The following FARS2 variants were observed in gnomAD, a reference collection of about 807,000 sequenced individuals.
FARS2 encodes the protein phenylalanyl-tRNA synthetase 2, mitochondrial.
In FARS2, 40 loss-of-function variants were observed where a neutral mutation model predicts 46.4. The observed-to-expected ratio is 0.86, with a 90% CI of 0.67 to 1.12. FARS2 has a LOEUF of 1.12. FARS2 is among the 50% of genes most tolerant of loss of function. FARS2 has a pLI of 0.00. For synonymous variants in FARS2, 234 were observed against 214.9 expected (o/e 1.09, Z -0.78); for missense variants, 513 against 567.9 (o/e 0.90, Z 0.98).
At chr6:5,466,613 A>G in intron 4 of FARS2, 3 of 985,394 alleles carry the variant, frequency 3.0e-6, no homozygotes, top group Non-Finnish European at 3.6e-6. Flanking sequence ...AATGGTCCTG[A>G]TGGCACCCAG....
chr6:5,418,975 A>G (rs1762394843), intron 3 of FARS2, among the ~76,000 whole-genome samples: 1 of 151,852 alleles, frequency 6.6e-6, no homozygotes, highest in Non-Finnish European at 1.5e-5. Context: ...TTTCATTTGA[A>G]TCGTTTGGCT....
intron 2 of FARS2, among the ~76,000 whole-genome samples, chr6:5,396,909 C>A (rs1760938774): frequency 6.6e-6 from 1 of 152,150 alleles, no homozygotes; most frequent in Admixed American, 6.5e-5. Flanking sequence ...CCTACCTAGG[C>A]CCTCACGTTT....
At chr6:5,709,944 A>G (rs141300118) in intron 6 of FARS2, among the ~76,000 whole-genome samples, 1 of 152,142 alleles carries the variant, frequency 6.6e-6, no homozygotes, top group Non-Finnish European at 1.5e-5. Flanking sequence ...CTCCTGTGAA[A>G]CTAATCGTTC....
chr6:5,332,903 A>G (rs577573344), intron 1 of FARS2, among the ~76,000 whole-genome samples: 13 of 152,238 alleles, frequency 8.5e-5, no homozygotes, highest in Non-Finnish European at 1.9e-4. Flanking sequence ...AAGAGTGGAT[A>G]CTGAACATTG....
chr6:5,732,010 CTCAGGG>C (rs1331238859), intron 6 of FARS2, among the ~76,000 whole-genome samples: 1 of 152,222 alleles, frequency 6.6e-6, no homozygotes, highest in Non-Finnish European at 1.5e-5. Context: ...TGTGCTCCTC[CTCAGGG>C]TCCTGCTGAC....
chr6:5,494,750 C>T (rs889774720), intron 4 of FARS2, among the ~76,000 whole-genome samples: 2 of 152,122 alleles, frequency 1.3e-5, no homozygotes, highest in East Asian at 3.9e-4. Context: ...GTTTGAGGAA[C>T]GAAACTTCAA....
chr6:5,762,370 G>A (rs1294293115), intron 6 of FARS2, among the ~76,000 whole-genome samples: 2 of 152,162 alleles, frequency 1.3e-5, no homozygotes, highest in African/African-American at 4.8e-5. Context: ...GTAAAGCTGG[G>A]CGAGTCTGCA....
chr6:5,579,030 A>C (rs527576148), intron 5 of FARS2, among the ~76,000 whole-genome samples: 45 of 152,308 alleles, frequency 3.0e-4, no homozygotes, highest in Non-Finnish European at 5.6e-4. Flanking sequence ...TTCTTAGCAC[A>C]GTACATGACA....
intron 4 of FARS2, among the ~76,000 whole-genome samples, chr6:5,532,543 C>T (rs1769907528): frequency 6.6e-6 from 1 of 152,208 alleles, no homozygotes. Flanking sequence ...CAGCGTCAGG[C>T]GTTCCAGACC....
intron 5 of FARS2, among the ~76,000 whole-genome samples, chr6:5,575,821 A>G (rs1772929315): frequency 6.6e-6 from 1 of 152,224 alleles, no homozygotes; most frequent in Non-Finnish European, 1.5e-5. Context: ...TCCTCATGAC[A>G]TAAAATTCTA....
intron 1 of FARS2, among the ~76,000 whole-genome samples, chr6:5,279,954 AC>A (rs926118317): frequency 3.9e-5 from 6 of 152,182 alleles, no homozygotes; most frequent in African/African-American, 1.4e-4. Flanking sequence ...ATATCTGGGC[AC>A]CCCAAGGCCC....
chr6:5,499,990 C>T (rs1767694830), intron 4 of FARS2, among the ~76,000 whole-genome samples: 1 of 152,180 alleles, frequency 6.6e-6, no homozygotes. Context: ...TCTGAAATTT[C>T]AGCAGAAGCA....
At chr6:5,713,831 A>G (rs1471705880) in intron 6 of FARS2, among the ~76,000 whole-genome samples, 3 of 152,244 alleles carry the variant, frequency 2.0e-5, no homozygotes, top group African/African-American at 7.2e-5. Flanking sequence ...TCCCCAGCCA[A>G]GTGGCAGCCC....
intron 1 of FARS2, among the ~76,000 whole-genome samples, chr6:5,363,328 ACT>A: frequency 6.6e-6 from 1 of 152,230 alleles, no homozygotes; most frequent in African/African-American, 2.4e-5. Flanking sequence ...GCTTGTAAAT[ACT>A]TTTTCCCATT....
At chr6:5,479,886 C>T (rs1293102417) in intron 4 of FARS2, among the ~76,000 whole-genome samples, 1 of 152,196 alleles carries the variant, frequency 6.6e-6, no homozygotes, top group African/African-American at 2.4e-5. Flanking sequence ...TATTGATGCA[C>T]CCTGTTCTAG....
intron 4 of FARS2, among the ~76,000 whole-genome samples, chr6:5,533,672 C>T (rs1770001802): frequency 6.6e-6 from 1 of 152,058 alleles, no homozygotes; most frequent in Admixed American, 6.6e-5. Context: ...GAAAAGAGGG[C>T]AGAGTTGAGG....
intron 1 of FARS2, among the ~76,000 whole-genome samples, chr6:5,300,298 A>T (rs1414977497): frequency 6.6e-6 from 1 of 152,230 alleles, no homozygotes; most frequent in African/African-American, 2.4e-5. Flanking sequence ...GTAAGTATAT[A>T]TAACATAAGC....
intron 1 of FARS2, among the ~76,000 whole-genome samples, chr6:5,267,099 T>C (rs1293473278): frequency 2.0e-5 from 3 of 151,950 alleles, no homozygotes; most frequent in Admixed American, 2.0e-4. Context: ...ACAACAAAAT[T>C]GACAATTTAT....
chr6:5,399,062 C>G (rs969647326), intron 2 of FARS2, among the ~76,000 whole-genome samples: 2 of 151,182 alleles, frequency 1.3e-5, no homozygotes, highest in Non-Finnish European at 2.9e-5. Context: ...GAATAAACTT[C>G]TGTCCATCAT....
Sources: gnomAD v4.1 joint callset for allele counts (sites outside exome capture counted in the v4.1 genomes callset) on GRCh38, gnomAD v4.1.1 for gene constraint, MANE v1.5 for transcripts, NCBI Gene and HGNC (gene_info 2026-07-23, HGNC 2026-07-21) for gene names.